EEIG1: variants seen among roughly 807,000 people sequenced by gnomAD.
The protein encoded by EEIG1 is early estrogen-induced gene 1 protein.
chr9:127,966,621 T>C, the EEIG1 span, among the ~76,000 whole-genome samples: 1 of 152,172 alleles, frequency 6.6e-6, no homozygotes, highest in South Asian at 2.1e-4. Context: ...GATCACTCTC[T>C]CTTGCTCTTA....
At chr9:127,950,717 G>T in the EEIG1 span, 1 of 1,400,836 alleles carries the variant, frequency 7.1e-7, no homozygotes. Context: ...GCCCCGGGTC[G>T]GCAGCACCAA....
At chr9:127,944,818 A>G in the EEIG1 span, 1 of 1,612,234 alleles carries the variant, frequency 6.2e-7, no homozygotes, top group Non-Finnish European at 8.5e-7. Context: ...GCTCTGCACG[A>G]TCTTCTCCAC....
At chr9:127,949,350 G>A in the EEIG1 span, among the ~76,000 whole-genome samples, 1 of 151,620 alleles carries the variant, frequency 6.6e-6, no homozygotes, top group Non-Finnish European at 1.5e-5. Context: ...TGACCACTAG[G>A]TTGAGGCTTT....
the EEIG1 span, chr9:127,944,729 AG>A: frequency 8.1e-6 from 13 of 1,611,920 alleles, no homozygotes; most frequent in Non-Finnish European, 1.1e-5. Flanking sequence ...CGGCAGGGCC[AG>A]CCCTTGGAGC....
chr9:127,947,304 C>T, the EEIG1 span, among the ~76,000 whole-genome samples: 3 of 150,164 alleles, frequency 2.0e-5, no homozygotes, highest in Admixed American at 6.6e-5. Context: ...GGCATGGTGG[C>T]GCTCGCCTGT....
At chr9:127,943,263 G>A in the EEIG1 span, 3 of 1,613,086 alleles carry the variant, frequency 1.9e-6, no homozygotes, top group Non-Finnish European at 2.5e-6. Context: ...AGGTCAGCAT[G>A]TCCCCCTCGA....
chr9:127,951,814 CAAAA>C, the EEIG1 span, among the ~76,000 whole-genome samples: 5 of 109,236 alleles, frequency 4.6e-5, no homozygotes, highest in Non-Finnish European at 7.1e-5. Flanking sequence ...GACTCCATCT[CAAAA>C]AAAAAAAAAA....
chr9:127,969,941 G>GA, the EEIG1 span, among the ~76,000 whole-genome samples: 2 of 152,184 alleles, frequency 1.3e-5, no homozygotes, highest in South Asian at 4.2e-4. Flanking sequence ...TTCTGGCACA[G>GA]AGACGTGCAG....
chr9:127,978,709 C>T, the EEIG1 span, among the ~76,000 whole-genome samples: 3 of 151,982 alleles, frequency 2.0e-5, no homozygotes, highest in Non-Finnish European at 2.9e-5. Flanking sequence ...TGGTAGCGTG[C>T]GCCTGTAATC....
At chr9:127,944,317 C>A in the EEIG1 span, 2 of 525,142 alleles carry the variant, frequency 3.8e-6, no homozygotes, top group Non-Finnish European at 6.8e-6. Context: ...TAAATAAATG[C>A]GTGTGAGGCC....
At chr9:127,974,225 A>G in the EEIG1 span, among the ~76,000 whole-genome samples, 1 of 151,714 alleles carries the variant, frequency 6.6e-6, no homozygotes, top group Non-Finnish European at 1.5e-5. Flanking sequence ...CTGCCAGCCA[A>G]CTCCCATTGT....
the EEIG1 span, chr9:127,950,320 A>C: frequency 3.5e-6 from 4 of 1,139,050 alleles, no homozygotes; most frequent in East Asian, 2.5e-5. Flanking sequence ...TATTCAGGTA[A>C]GGCCTGTATT....
the EEIG1 span, among the ~76,000 whole-genome samples, chr9:127,963,914 G>T: frequency 1.3e-5 from 2 of 152,230 alleles, no homozygotes; most frequent in Non-Finnish European, 2.9e-5. Context: ...TACAAGGGCG[G>T]TGAACAGAGC....
chr9:127,971,587 G>A, the EEIG1 span, among the ~76,000 whole-genome samples: 1 of 152,128 alleles, frequency 6.6e-6, no homozygotes, highest in East Asian at 1.9e-4. Context: ...CCACAGTGAG[G>A]TCCCACACCA....
the EEIG1 span, chr9:127,944,416 G>A: frequency 4.9e-6 from 3 of 606,200 alleles, no homozygotes; most frequent in Non-Finnish European, 5.9e-6. Flanking sequence ...TGCCCTCACT[G>A]CCCCAGGCTC....
the EEIG1 span, among the ~76,000 whole-genome samples, chr9:127,969,772 G>A: frequency 2.6e-5 from 4 of 152,102 alleles, no homozygotes; most frequent in African/African-American, 9.7e-5. Context: ...ATGCTTATCA[G>A]GTCAGAACGG....
At chr9:127,979,414 C>T in the EEIG1 span, among the ~76,000 whole-genome samples, 1 of 152,260 alleles carries the variant, frequency 6.6e-6, no homozygotes, top group Non-Finnish European at 1.5e-5. Context: ...CTCAACGGAG[C>T]CTCTTTCAGA....
the EEIG1 span, chr9:127,944,302 G>A: frequency 2.4e-4 from 113 of 473,888 alleles, no homozygotes; most frequent in Non-Finnish European, 3.7e-4. Flanking sequence ...TAGAAGGGAG[G>A]GTTCTAAATA....
the EEIG1 span, among the ~76,000 whole-genome samples, chr9:127,960,102 G>A: frequency 2.6e-5 from 4 of 152,218 alleles, no homozygotes; most frequent in African/African-American, 9.6e-5. Flanking sequence ...TGTGTGGGGA[G>A]TGCAGGTAGC....
Sources: allele counts gnomAD v4.1 joint callset (sites outside exome capture counted in the v4.1 genomes callset), GRCh38; gene constraint gnomAD v4.1.1; transcripts MANE v1.5; gene names NCBI Gene and HGNC (gene_info 2026-07-23, HGNC 2026-07-21).